ADTRP: variants seen among roughly 807,000 people sequenced by gnomAD.
ADTRP encodes the protein androgen dependent TFPI regulating protein, also known as androgen-dependent TFPI-regulating protein.
A neutral mutation model predicts 27.0 loss-of-function variants in ADTRP; 20 were observed. The observed-to-expected ratio is 0.74, with a 90% CI of 0.52 to 1.08. The LOEUF is 1.08. Among genes scored for constraint, ADTRP ranks in the 50% least tolerant of loss-of-function variants. The pLI is 0.00. For synonymous variants in ADTRP, 101 were observed against 105.2 expected (o/e 0.96, Z 0.25); for missense variants, 251 against 275.0 (o/e 0.91, Z 0.62).
intron 4 of ADTRP, among the ~76,000 whole-genome samples, chr6:11,732,773 A>T (rs1762429236): frequency 6.6e-6 from 1 of 151,730 alleles, no homozygotes; most frequent in East Asian, 1.9e-4. Flanking sequence ...CCTTCCCTCC[A>T]CTCCCTTCAT....
At chr6:11,769,617 G>A (rs1205847218) in intron 1 of ADTRP, among the ~76,000 whole-genome samples, 1 of 151,918 alleles carries the variant, frequency 6.6e-6, no homozygotes, top group African/African-American at 2.4e-5. Flanking sequence ...TGGGATGAGG[G>A]GAGAAATTGA....
At chr6:11,727,142 C>G (rs1762234531) in intron 4 of ADTRP, among the ~76,000 whole-genome samples, 1 of 152,226 alleles carries the variant, frequency 6.6e-6, no homozygotes, top group African/African-American at 2.4e-5. Flanking sequence ...CTGCCTCACC[C>G]TCCCGAGTAG....
chr6:11,735,951 C>CTT, intron 3 of ADTRP: 1 of 297,388 alleles, frequency 3.4e-6, no homozygotes, highest in African/African-American at 2.2e-5. Flanking sequence ...CCTCTCCCTA[C>CTT]TTTTTTTTGG....
intron 3 of ADTRP, among the ~76,000 whole-genome samples, chr6:11,743,607 C>T (rs571047771): frequency 3.9e-5 from 6 of 152,314 alleles, no homozygotes; most frequent in Non-Finnish European, 5.9e-5. Context: ...ACATAACACT[C>T]GTACGTTCGC....
chr6:11,743,396 C>T (rs147500612), intron 3 of ADTRP, among the ~76,000 whole-genome samples: 76 of 152,284 alleles, frequency 5.0e-4, no homozygotes, highest in African/African-American at 1.8e-3. Flanking sequence ...TGTGCCCACC[C>T]TCTAATTACT....
At chr6:11,749,269 C>T (rs1184774524) in intron 3 of ADTRP, among the ~76,000 whole-genome samples, 1 of 151,916 alleles carries the variant, frequency 6.6e-6, no homozygotes, top group African/African-American at 2.4e-5. Context: ...TGGAGATGCT[C>T]AGAACAGATG....
Position 11,739,662 on chromosome 6 carries a change from T to C in ADTRP, c.391-3979A>G, listed in dbSNP as rs77479337. On this transcript the variant is annotated intron_variant, in intron 3 of 5. Transcript: ENST00000414691. ...GTGACAACATGGAAAATAGTGATAA[T>C]GATTTGAGCACTTGTTTGTACTCAC... 3.3e-3 allele frequency among the ~76,000 whole-genome samples: 507 copies of C among 152,332 alleles called. 4 individuals are homozygous for C. The South Asian group carries it at 0.045, about 13-fold the overall frequency.
chr6:11,742,070 A>G (rs1038688883), intron 3 of ADTRP, among the ~76,000 whole-genome samples: 2 of 143,800 alleles, frequency 1.4e-5, no homozygotes, highest in Non-Finnish European at 3.2e-5. Flanking sequence ...GCTTTTCCCT[A>G]TTTTGGTACA....
At chr6:11,736,642 G>C (rs1762564803) in intron 3 of ADTRP, 2 of 152,340 alleles carry the variant, frequency 1.3e-5, no homozygotes, top group African/African-American at 4.8e-5. Flanking sequence ...TCTCTCCCTG[G>C]GATTCAAATC....
chr6:11,748,947 C>T (rs9469986), intron 3 of ADTRP, among the ~76,000 whole-genome samples: 45,534 of 152,062 alleles, frequency 0.3, 8,404 homozygotes, highest in East Asian at 0.66. Context: ...AGGTTTATTC[C>T]AAGTGAAGCG....
At chr6:11,727,383 G>T (rs1159738043) in intron 4 of ADTRP, among the ~76,000 whole-genome samples, 1 of 152,104 alleles carries the variant, frequency 6.6e-6, no homozygotes, top group African/African-American at 2.4e-5. Context: ...ATTCTTACCT[G>T]CATGGCTACT....
chr6:11,751,393 C>T (rs1180555239), intron 3 of ADTRP, among the ~76,000 whole-genome samples: 1 of 152,060 alleles, frequency 6.6e-6, no homozygotes, highest in Non-Finnish European at 1.5e-5. Flanking sequence ...TCAGTATTTC[C>T]TCTTCTACTG....
rs370420886 is a variant in ADTRP at position 11,778,750 on chromosome 6, T to C, written c.10A>G (p.Thr4Ala). 3.3e-5 allele frequency: 54 copies of C among 1,613,716 alleles called. No homozygotes were observed. Among genetic ancestry groups the C allele is most frequent in the Non-Finnish European group, 3.8e-5 (45 of 1,179,818 alleles). Residue 4 changes from threonine (T) to alanine (A), a missense_variant, in exon 1 of 6, where the codon ACT becomes GCT. Transcript: ENST00000414691. ...AGGAAGTGGTATATGCATGTAGAAG[T>C]CTTCGTCATGGCGAGTGCTGACCGG... MTK[T>A]STCIYHFLVL... is the part of the protein sequence containing the mutation.
At chr6:11,770,386 G>A (rs1258345955) in intron 1 of ADTRP, among the ~76,000 whole-genome samples, 3 of 152,176 alleles carry the variant, frequency 2.0e-5, no homozygotes, top group Non-Finnish European at 4.4e-5. Context: ...CTCAAGAGAG[G>A]CGGGGCTGGG....
intron 3 of ADTRP, among the ~76,000 whole-genome samples, chr6:11,746,932 C>T (rs1451743382): frequency 6.6e-6 from 1 of 152,196 alleles, no homozygotes; most frequent in Non-Finnish European, 1.5e-5. Flanking sequence ...GAGGGAAGGT[C>T]AGCATAGAGA....
chr6:11,735,292 G>A (rs1762513657), intron 4 of ADTRP, among the ~76,000 whole-genome samples: 2 of 152,222 alleles, frequency 1.3e-5, no homozygotes, highest in Admixed American at 1.3e-4. Flanking sequence ...AAAGCAAGAT[G>A]AGTGGCTTTG....
At chr6:11,774,119 C>T (rs938001768) in intron 1 of ADTRP, among the ~76,000 whole-genome samples, 2 of 149,724 alleles carry the variant, frequency 1.3e-5, no homozygotes, top group East Asian at 4.0e-4. Context: ...CCAACCTGGC[C>T]AACATGGTGC....
chr6:11,774,563 G>A (rs572234849), intron 1 of ADTRP, among the ~76,000 whole-genome samples: 1 of 152,070 alleles, frequency 6.6e-6, no homozygotes, highest in East Asian at 1.9e-4. Flanking sequence ...TGACGACGGA[G>A]CTGCCTGGGG....
Position 11,732,644 on chromosome 6 carries a change from T to C in ADTRP, c.506+2924A>G, listed in dbSNP as rs532118341. Among the ~76,000 whole-genome samples, 23 of 152,338 alleles carry C rather than the reference T, an allele frequency of 1.5e-4. No homozygotes were observed. The South Asian group carries it at 4.6e-3, about 30-fold the overall frequency. On this transcript the variant is annotated intron_variant, in intron 4 of 5. Transcript: ENST00000414691. ...GATTTGTTCTAGCAAAAATGGGGCTTAGTGGACCAAATACCAACTTAGCAT... is the reference window on the plus strand; with the variant it reads ...GATTTGTTCTAGCAAAAATGGGGCTCAGTGGACCAAATACCAACTTAGCAT...
Sources: gnomAD v4.1 joint callset for allele counts (sites outside exome capture counted in the v4.1 genomes callset) on GRCh38, gnomAD v4.1.1 for gene constraint, MANE v1.5 for transcripts, NCBI Gene and HGNC (gene_info 2026-07-23, HGNC 2026-07-21) for gene names.